OSTF1: variants seen among roughly 807,000 people sequenced by gnomAD.
The protein encoded by OSTF1 is osteoclast stimulating factor 1.
A neutral mutation model predicts 37.2 loss-of-function variants in OSTF1; 27 were observed. The observed-to-expected ratio is 0.73, with a 90% CI of 0.54 to 1.00. The LOEUF (loss-of-function observed/expected upper bound fraction) is 1.00. Ranked by LOEUF, OSTF1 falls within the 50% of genes least tolerant of loss-of-function variation. The pLI is 0.00. For synonymous variants in OSTF1, 82 were observed against 89.2 expected, an observed-to-expected ratio of 0.92 and a Z score of 0.46; for missense variants, 232 against 253.8, an observed-to-expected ratio of 0.91 and a Z score of 0.58.
chr9:75,124,383 T>A (rs928874858), intron 2 of OSTF1, among the ~76,000 whole-genome samples: 1 of 152,222 alleles, frequency 6.6e-6, no homozygotes, highest in African/African-American at 2.4e-5. Context: ...TTCTAAATTT[T>A]TTTTGTACCC....
intron 1 of OSTF1, among the ~76,000 whole-genome samples, chr9:75,113,391 G>A (rs1348882962): frequency 6.6e-6 from 1 of 151,358 alleles, no homozygotes; most frequent in Non-Finnish European, 1.5e-5. Flanking sequence ...TTTTTTGTGT[G>A]TAGATTATAT....
At chr9:75,126,880 C>T (rs757666875) in intron 2 of OSTF1, among the ~76,000 whole-genome samples, 10 of 152,150 alleles carry the variant, frequency 6.6e-5, no homozygotes, top group East Asian at 1.9e-4. Context: ...CATGAGCCAC[C>T]GCACCTGGCC....
intron 2 of OSTF1, among the ~76,000 whole-genome samples, chr9:75,120,737 CT>C: frequency 6.6e-6 from 1 of 152,282 alleles, no homozygotes; most frequent in African/African-American, 2.4e-5. Flanking sequence ...CTGCTTCAAC[CT>C]TTTATTTGAC....
chr9:75,132,701 G>A (rs1825779598), intron 5 of OSTF1, among the ~76,000 whole-genome samples: 1 of 152,134 alleles, frequency 6.6e-6, no homozygotes, highest in Non-Finnish European at 1.5e-5. Context: ...GGTTAGGATT[G>A]TGAAAAAGTA....
intron 1 of OSTF1, among the ~76,000 whole-genome samples, chr9:75,093,064 C>CTTTTTTTTTTTTTT (rs1043919048): frequency 8.9e-6 from 1 of 112,860 alleles, no homozygotes; most frequent in African/African-American, 3.2e-5. Flanking sequence ...TTCTTTCTTT[C>CTTTTTTTTTTTTTT]TTTTTTTTTT....
At chr9:75,133,217 A>G in intron 5 of OSTF1, 77 bp from the exon 6 acceptor site, 1 of 857,522 alleles carries the variant, frequency 1.2e-6, no homozygotes, top group Admixed American at 2.1e-5. Flanking sequence ...ATTTATGCAG[A>G]ATGACATTGA....
chr9:75,117,343 G>C (rs1178835165), intron 1 of OSTF1, among the ~76,000 whole-genome samples, 161 bp from the exon 2 acceptor site: 1 of 152,074 alleles, frequency 6.6e-6, no homozygotes, highest in East Asian at 1.9e-4. Flanking sequence ...ATCTCTCCCT[G>C]TCCTTCCTTT....
At chr9:75,125,446 C>CT (rs1186544599) in intron 2 of OSTF1, among the ~76,000 whole-genome samples, 1 of 151,638 alleles carries the variant, frequency 6.6e-6, no homozygotes, top group Non-Finnish European at 1.5e-5. Context: ...TCATTAACTT[C>CT]TTTTTTCCCA....
chr9:75,122,641 C>T (rs1204244807), intron 2 of OSTF1, among the ~76,000 whole-genome samples: 1 of 152,076 alleles, frequency 6.6e-6, no homozygotes, highest in Non-Finnish European at 1.5e-5. Context: ...GCAGGGACTT[C>T]GTAATCTGAC....
At chr9:75,092,293 G>T (rs1824989353) in intron 1 of OSTF1, among the ~76,000 whole-genome samples, 1 of 152,204 alleles carries the variant, frequency 6.6e-6, no homozygotes, top group Non-Finnish European at 1.5e-5. Flanking sequence ...GTACCATCTG[G>T]AGGATAGATC....
chr9:75,123,021 T>A (rs1172627514), intron 2 of OSTF1, among the ~76,000 whole-genome samples: 2 of 152,258 alleles, frequency 1.3e-5, no homozygotes, highest in Non-Finnish European at 2.9e-5. Flanking sequence ...TGGGAATATA[T>A]GTTACCAAGT....
At chr9:75,101,837 T>C (rs1057080911) in intron 1 of OSTF1, among the ~76,000 whole-genome samples, 3 of 152,244 alleles carry the variant, frequency 2.0e-5, no homozygotes, top group Admixed American at 2.0e-4. Context: ...AGATGTTGTG[T>C]ATATCCTGGT....
intron 1 of OSTF1, among the ~76,000 whole-genome samples, chr9:75,115,691 T>C (rs929722875): frequency 1.3e-5 from 2 of 152,062 alleles, no homozygotes; most frequent in Non-Finnish European, 2.9e-5. Flanking sequence ...TAGGCTTTTT[T>C]CCTATACTGT....
chr9:75,102,646 ACTGGACATT>A (rs750905046), intron 1 of OSTF1, among the ~76,000 whole-genome samples: 1 of 152,100 alleles, frequency 6.6e-6, no homozygotes, highest in African/African-American at 2.4e-5. Context: ...ATGTTGATTG[ACTGGACATT>A]CTTAGACCCC....
At chr9:75,141,336 A>AAAAAAAAAAAAAAC (rs1825940930) in intron 9 of OSTF1, among the ~76,000 whole-genome samples, 1 of 138,688 alleles carries the variant, frequency 7.2e-6, no homozygotes, top group Non-Finnish European at 1.6e-5. Context: ...AAAAAAAAAA[A>AAAAAAAAAAAAAAC]AAAGATAAAC....
chr9:75,138,732 A>G (rs985647001), intron 8 of OSTF1, among the ~76,000 whole-genome samples: 2 of 152,214 alleles, frequency 1.3e-5, no homozygotes, highest in Non-Finnish European at 2.9e-5. Context: ...AAAGGGACCC[A>G]GGAAATAGTT....
rs114874304 is a variant in OSTF1, at chr9:75,129,078, T to C, written c.132+1459T>C. On this transcript the variant is annotated intron_variant, in intron 3 of 9. Transcript: ENST00000346234. ...AAAACATGGAAGCTCCTAAAGACAG[T>C]AGGGTCACACTGAAAGGACTTGGGA... Among the ~76,000 whole-genome samples, 792 of 152,140 alleles carry C rather than the reference T, an allele frequency of 5.2e-3. 8 individuals carry two copies. The highest frequency in any genetic ancestry group is 0.018 in the African/African-American group (746 of 41,490).
In OSTF1 at chr9:75,136,194, C is replaced by T. The variant is rs550366133; in HGVS notation, c.409-1344C>T. On this transcript the variant is annotated intron_variant, in intron 7 of 9. Transcript: ENST00000346234. ...TATTTTACTCTGATTGTTACTTTTA[C>T]GTAGTATCTTTTTCTTGTTTCATGA... Among the ~76,000 whole-genome samples, 8 of 152,228 alleles carry T rather than the reference C, an allele frequency of 5.3e-5. No homozygotes were observed. In the East Asian group the frequency reaches 5.8e-4, roughly 11 times the overall value.
At chr9:75,110,789 C>T (rs1216744377) in intron 1 of OSTF1, among the ~76,000 whole-genome samples, 2 of 151,896 alleles carry the variant, frequency 1.3e-5, no homozygotes, top group Admixed American at 1.3e-4. Flanking sequence ...TGGCTCACTG[C>T]AGCCTTGACC....
Sources: gnomAD v4.1 joint callset for allele counts (sites outside exome capture counted in the v4.1 genomes callset) on GRCh38, gnomAD v4.1.1 for gene constraint, MANE v1.5 for transcripts, NCBI Gene and HGNC (gene_info 2026-07-23, HGNC 2026-07-21) for gene names.